ADK: variants seen among roughly 807,000 people sequenced by gnomAD.
The protein encoded by ADK is N6,N6-dimethyladenosine kinase.
ADK carries 24 observed loss-of-function variants against 44.7 expected under a neutral mutation model. That is an observed-to-expected ratio of 0.54 (90% CI 0.39 to 0.76). The LOEUF is 0.76. ADK is among the 30% of genes least tolerant of loss of function. The pLI is 0.00. For synonymous variants in ADK, 128 were observed against 142.6 expected, an observed-to-expected ratio of 0.90 and a Z score of 0.73; for missense variants, 321 against 425.1, an observed-to-expected ratio of 0.76 and a Z score of 2.15.
At chr10:74,346,664 C>T (rs1841776296) in intron 4 of ADK, among the ~76,000 whole-genome samples, 1 of 151,984 alleles carries the variant, frequency 6.6e-6, no homozygotes, top group Non-Finnish European at 1.5e-5. Context: ...TTTTTTTCCC[C>T]TTGCACTTAC....
chr10:74,604,041 A>C (rs1166687792), intron 9 of ADK, among the ~76,000 whole-genome samples: 2 of 152,184 alleles, frequency 1.3e-5, no homozygotes, highest in Non-Finnish European at 2.9e-5. Context: ...GGCCGCATAA[A>C]TATCTCCTTT....
At chr10:74,167,829 C>A (rs1294731483) in intron 1 of ADK, among the ~76,000 whole-genome samples, 2 of 152,210 alleles carry the variant, frequency 1.3e-5, no homozygotes, top group Non-Finnish European at 2.9e-5. Context: ...TTTAGAAAAA[C>A]ATGACTGAAT....
At chr10:74,699,185 A>T in intron 10 of ADK, among the ~76,000 whole-genome samples, 3 of 139,234 alleles carry the variant, frequency 2.2e-5, no homozygotes. Flanking sequence ...TGCAAGCCAC[A>T]TTTATCTGCT....
intron 4 of ADK, among the ~76,000 whole-genome samples, chr10:74,371,332 A>G (rs1408522923): frequency 1.3e-5 from 2 of 152,220 alleles, no homozygotes; most frequent in Admixed American, 1.3e-4. Flanking sequence ...TAACTGGATA[A>G]ATAAAAGGCA....
intron 3 of ADK, among the ~76,000 whole-genome samples, chr10:74,260,792 A>C (rs187983169): frequency 4.6e-5 from 7 of 152,300 alleles, no homozygotes; most frequent in African/African-American, 1.7e-4. Flanking sequence ...GATAATGCTA[A>C]GAACTTGTTT....
chr10:74,603,382 T>TCATCTACA (rs1852211291), intron 9 of ADK, among the ~76,000 whole-genome samples: 1 of 152,086 alleles, frequency 6.6e-6, no homozygotes, highest in African/African-American at 2.4e-5. Flanking sequence ...ACATTAGGCA[T>TCATCTACA]TTCTCCTAAT....
In ADK at chr10:74,650,293, G is replaced by A. The variant is rs117208770; in HGVS notation, c.878-19890G>A. Among the ~76,000 whole-genome samples, 55 of 152,096 alleles carry A rather than the reference G, an allele frequency of 3.6e-4. No individual in the cohort carries two copies. In the East Asian group the frequency reaches 9.5e-3, roughly 26 times the overall value. ...AAATTAGCCGGGTGTCATGGCCGGC[G>A]TTTGTGGTCCCAGCTACTCGGGAAG... On this transcript the variant is annotated intron_variant, in intron 9 of 10. Coordinates refer to ENST00000539909, the MANE Select transcript of ADK (RefSeq NM_006721.4).
chr10:74,170,633 C>T (rs897340304), intron 1 of ADK, among the ~76,000 whole-genome samples: 9 of 151,564 alleles, frequency 5.9e-5, no homozygotes, highest in Non-Finnish European at 1.2e-4. Flanking sequence ...CCTGTCTCTA[C>T]TAAAAATACA....
chr10:74,199,449 C>T (rs977872428), intron 1 of ADK, among the ~76,000 whole-genome samples: 2 of 152,094 alleles, frequency 1.3e-5, no homozygotes, highest in African/African-American at 4.8e-5. Flanking sequence ...TGATATTTGG[C>T]TTTCTGTTTC....
intron 6 of ADK, among the ~76,000 whole-genome samples, chr10:74,446,268 C>G (rs918591423): frequency 6.6e-6 from 1 of 151,980 alleles, no homozygotes; most frequent in South Asian, 2.1e-4. Flanking sequence ...TTTCAGGAAC[C>G]CTTCCAACCT....
At chr10:74,493,390 C>CACAT (rs1026164406) in intron 6 of ADK, among the ~76,000 whole-genome samples, 2 of 149,936 alleles carry the variant, frequency 1.3e-5, no homozygotes, top group African/African-American at 2.5e-5. Flanking sequence ...TGTATATCCA[C>CACAT]ACATACATAC....
chr10:74,600,841 C>A (rs564036134), intron 9 of ADK, among the ~76,000 whole-genome samples: 51 of 151,866 alleles, frequency 3.4e-4, no homozygotes, highest in Admixed American at 3.0e-3. Flanking sequence ...CAATTATGAA[C>A]AAATAAAATC....
rs1429740101 is a variant in ADK, at chr10:74,708,221, G to A, written c.965-100G>A. 2.4e-6 allele frequency: 3 copies of A among 1,246,506 alleles called. No homozygotes were observed. The African/African-American group carries it at 4.5e-5, about 19-fold the overall frequency. 77.2% of individuals were successfully genotyped at this position (1,246,506 alleles called of 1,614,324 possible). Reference sequence around the variant, plus strand: ...ACTTTCTCTTACTGTCAAGGCTGAAGAATGAGACAGGTGCTTAGATCATAT... The same window carrying A: ...ACTTTCTCTTACTGTCAAGGCTGAAAAATGAGACAGGTGCTTAGATCATAT... On this transcript the variant is annotated intron_variant, in intron 10 of 10. Transcript: ENST00000539909.
intron 6 of ADK, among the ~76,000 whole-genome samples, chr10:74,477,651 C>A (rs1271220544): frequency 6.6e-6 from 1 of 152,052 alleles, no homozygotes; most frequent in Non-Finnish European, 1.5e-5. Flanking sequence ...TCTCCTTGAC[C>A]CCTGGCTATA....
chr10:74,426,344 T>C, intron 6 of ADK, among the ~76,000 whole-genome samples: 1 of 152,216 alleles, frequency 6.6e-6, no homozygotes, highest in Non-Finnish European at 1.5e-5. Context: ...AATTGCAAAA[T>C]ATTGGAAACC....
intron 3 of ADK, among the ~76,000 whole-genome samples, chr10:74,266,535 G>A (rs1418829583): frequency 6.6e-6 from 1 of 151,832 alleles, no homozygotes; most frequent in African/African-American, 2.4e-5. Context: ...CAGCCTGGGT[G>A]ACAGAGCAGG....
At chr10:74,517,155 G>A (rs755612286) in intron 6 of ADK, among the ~76,000 whole-genome samples, 6 of 152,142 alleles carry the variant, frequency 3.9e-5, no homozygotes, top group Admixed American at 6.5e-5. Flanking sequence ...AACCATATCA[G>A]TGTGCATTCA....
chr10:74,284,891 A>G (rs1240983573), intron 3 of ADK, among the ~76,000 whole-genome samples: 1 of 152,258 alleles, frequency 6.6e-6, no homozygotes, highest in African/African-American at 2.4e-5. Context: ...TCATTTTACA[A>G]CTGTGTAACA....
chr10:74,175,374 C>CAA (rs1224759058), intron 1 of ADK, among the ~76,000 whole-genome samples: 31 of 87,122 alleles, frequency 3.6e-4, no homozygotes, highest in Non-Finnish European at 4.1e-4. Context: ...GACTCCAGCT[C>CAA]AAAAAAAAAA....
Sources: gnomAD v4.1 joint callset for allele counts (sites outside exome capture counted in the v4.1 genomes callset) on GRCh38, gnomAD v4.1.1 for gene constraint, MANE v1.5 for transcripts, NCBI Gene and HGNC (gene_info 2026-07-23, HGNC 2026-07-21) for gene names.